The following MEIS2 variants were observed in gnomAD, a reference collection of about 807,000 sequenced individuals.
The protein encoded by MEIS2 is Meis homeobox 2, also known as homeobox protein Meis2.
MEIS2 carries 9 observed loss-of-function variants against 58.6 expected under a neutral mutation model. The ratio of observed to expected loss-of-function variants is 0.15; its 90% CI spans 0.09 to 0.27. The LOEUF is 0.27. Among genes scored for constraint, MEIS2 ranks in the 10% least tolerant of loss-of-function variants. MEIS2 has a pLI of 1.00. For missense variants in MEIS2, 427 were observed against 635.0 expected (o/e 0.67, Z 3.52); for synonymous variants, 221 against 228.4 (o/e 0.97, Z 0.29).
chr15:37,089,132 G>C (rs950697168), intron 6 of MEIS2, among the ~76,000 whole-genome samples: 4 of 152,154 alleles, frequency 2.6e-5, no homozygotes, highest in African/African-American at 9.7e-5. Context: ...ATGCTTCCTT[G>C]AGTTGGTGGA....
chr15:36,988,965 GA>G (rs2060182137), intron 8 of MEIS2, among the ~76,000 whole-genome samples: 2 of 152,140 alleles, frequency 1.3e-5, no homozygotes, highest in South Asian at 4.1e-4. Flanking sequence ...AGGCTAGCAA[GA>G]AAAAAGGATG....
intron 8 of MEIS2, among the ~76,000 whole-genome samples, chr15:37,030,109 T>C (rs1287231272): frequency 2.6e-5 from 4 of 152,200 alleles, no homozygotes; most frequent in Non-Finnish European, 5.9e-5. Flanking sequence ...GTTCATATCC[T>C]GGAAGACAAA....
At chr15:37,013,360 C>T (rs2061230727) in intron 8 of MEIS2, among the ~76,000 whole-genome samples, 1 of 152,020 alleles carries the variant, frequency 6.6e-6, no homozygotes, top group African/African-American at 2.4e-5. Flanking sequence ...CACCTGAAGT[C>T]AGAAGTTCAA....
intron 11 of MEIS2, chr15:36,894,699 G>A (rs1331309971): frequency 1.5e-5 from 23 of 1,565,328 alleles, no homozygotes; most frequent in African/African-American, 8.1e-5. Flanking sequence ...AAGACAGATC[G>A]CACCCGACTG....
chr15:37,087,274 T>C (rs1893002370), intron 6 of MEIS2, among the ~76,000 whole-genome samples: 1 of 152,174 alleles, frequency 6.6e-6, no homozygotes, highest in African/African-American at 2.4e-5. Context: ...GAGTCAAATA[T>C]GGTACTCTTC....
Position 36,891,998 on chromosome 15 carries a change from T to C in MEIS2, c.*175A>G, listed in dbSNP as rs1190860607. On this transcript the variant is annotated 3_prime_UTR_variant, in exon 12 of 12. Coordinates refer to ENST00000561208, the MANE Select transcript of MEIS2 (RefSeq NM_170675.5). ...CAGAATTGTCTCAGTCAGCCCATGA[T>C]TTCACATTTGTGTTCTTGTTGCATT... 4.3e-6 allele frequency: 3 copies of C among 696,458 alleles called. No individual in the cohort carries two copies. The highest frequency in any genetic ancestry group is 4.9e-6 in the Non-Finnish European group (2 of 405,932). 43.1% of individuals were successfully genotyped at this position (696,458 alleles called of 1,614,324 possible). A position where few individuals can be genotyped will look rare whatever the true frequency, so the allele number is the denominator to read the frequency against.
At chr15:36,969,913 C>CA (rs1252459136) in intron 8 of MEIS2, among the ~76,000 whole-genome samples, 1 of 150,782 alleles carries the variant, frequency 6.6e-6, no homozygotes, top group Non-Finnish European at 1.5e-5. Context: ...TTTCTTTTCG[C>CA]AAAAAAAGTA....
At chr15:37,029,270 G>A (rs1490745082) in intron 8 of MEIS2, among the ~76,000 whole-genome samples, 1 of 152,130 alleles carries the variant, frequency 6.6e-6, no homozygotes, top group Non-Finnish European at 1.5e-5. Context: ...TATTTCTTAG[G>A]AGACTCACTT....
chr15:36,963,674 C>T (rs1053312446), intron 8 of MEIS2, among the ~76,000 whole-genome samples: 1 of 152,270 alleles, frequency 6.6e-6, no homozygotes, highest in South Asian at 2.1e-4. Flanking sequence ...ATAAACCTAT[C>T]TTCATTTTAT....
intron 9 of MEIS2, among the ~76,000 whole-genome samples, chr15:36,937,775 CA>C (rs200058541): frequency 6.6e-6 from 1 of 150,434 alleles, no homozygotes; most frequent in African/African-American, 2.4e-5. Context: ...AACAAACAAA[CA>C]AAAAAAAACC....
intron 8 of MEIS2, among the ~76,000 whole-genome samples, chr15:37,006,527 A>G (rs2060929593): frequency 6.6e-6 from 1 of 152,318 alleles, no homozygotes; most frequent in South Asian, 2.1e-4. Context: ...ATGCAAGTCT[A>G]CTTTAAATCA....
chr15:37,017,791 A>G (rs577274812), intron 8 of MEIS2, among the ~76,000 whole-genome samples: 4 of 152,208 alleles, frequency 2.6e-5, no homozygotes, highest in South Asian at 2.1e-4. Flanking sequence ...TCCTTCATTT[A>G]TTTCTATCTC....
At chr15:36,928,727 T>A (rs1013838739) in intron 9 of MEIS2, among the ~76,000 whole-genome samples, 1 of 151,910 alleles carries the variant, frequency 6.6e-6, no homozygotes, top group African/African-American at 2.4e-5. Context: ...CATAGAAGAG[T>A]ACTTAGATAT....
chr15:37,069,968 T>C (rs549918502), intron 7 of MEIS2, among the ~76,000 whole-genome samples: 191 of 152,216 alleles, frequency 1.3e-3, no homozygotes, highest in African/African-American at 4.5e-3. Flanking sequence ...CCTTCCTCTT[T>C]CATGGATTTG....
intron 8 of MEIS2, among the ~76,000 whole-genome samples, chr15:37,007,496 GC>G (rs1189771909): frequency 3.9e-5 from 6 of 152,178 alleles, no homozygotes; most frequent in Admixed American, 2.6e-4. Flanking sequence ...GGTGGTGCCG[GC>G]ATGTGAACAA....
At chr15:36,963,169 G>C (rs531935391) in intron 8 of MEIS2, among the ~76,000 whole-genome samples, 1 of 152,226 alleles carries the variant, frequency 6.6e-6, no homozygotes, top group African/African-American at 2.4e-5. Flanking sequence ...GAGGCCAGGA[G>C]TTCGAGACCA....
intron 7 of MEIS2, among the ~76,000 whole-genome samples, chr15:37,078,704 T>G (rs565734565): frequency 1.3e-5 from 2 of 149,630 alleles, no homozygotes; most frequent in East Asian, 3.9e-4. Context: ...TGTGTAAAAA[T>G]TATCAGGCTA....
chr15:36,960,644 C>A (rs1595815802), intron 8 of MEIS2, among the ~76,000 whole-genome samples: 1 of 152,216 alleles, frequency 6.6e-6, no homozygotes, highest in East Asian at 1.9e-4. Flanking sequence ...ACACAGAGAG[C>A]TTCTTTCTGC....
chr15:37,039,357 T>C (rs1180157348), intron 7 of MEIS2, among the ~76,000 whole-genome samples: 1 of 152,230 alleles, frequency 6.6e-6, no homozygotes, highest in Non-Finnish European at 1.5e-5. Flanking sequence ...TAAGCACATA[T>C]GGTTTCTGTG....
Sources: gnomAD v4.1 joint callset for allele counts (sites outside exome capture counted in the v4.1 genomes callset) on GRCh38, gnomAD v4.1.1 for gene constraint, MANE v1.5 for transcripts, NCBI Gene and HGNC (gene_info 2026-07-23, HGNC 2026-07-21) for gene names.